Variants in NTN1 observed in about 807,000 individuals in gnomAD.
The protein encoded by NTN1 is netrin 1.
NTN1 carries 11 observed loss-of-function variants against 54.2 expected under a neutral mutation model. That is an observed-to-expected ratio of 0.20 (90% CI 0.13 to 0.34). The LOEUF (loss-of-function observed/expected upper bound fraction) is 0.34. Ranked by LOEUF, NTN1 falls within the 10% of genes least tolerant of loss-of-function variation. The pLI, the probability that NTN1 is intolerant of heterozygous loss-of-function variation, is 1.00. For missense variants in NTN1, 740 were observed against 893.1 expected, an observed-to-expected ratio of 0.83 and a Z score of 2.18; for synonymous variants, 371 against 382.0, an observed-to-expected ratio of 0.97 and a Z score of 0.33.
At chr17:9,110,271 C>CTTT (rs11386128) in intron 2 of NTN1, among the ~76,000 whole-genome samples, 10 of 147,268 alleles carry the variant, frequency 6.8e-5, no homozygotes, top group Non-Finnish European at 1.5e-5. Flanking sequence ...CCTCCTGCCT[C>CTTT]TTTTTTTTTT....
chr17:9,141,300 G>T (rs551936759), intron 2 of NTN1, among the ~76,000 whole-genome samples: 18 of 152,150 alleles, frequency 1.2e-4, no homozygotes, highest in Non-Finnish European at 2.2e-4. Flanking sequence ...AATGAGGGGG[G>T]GGAGAAGGGC....
intron 2 of NTN1, among the ~76,000 whole-genome samples, chr17:9,074,653 A>G (rs1015826848): frequency 6.6e-6 from 1 of 152,120 alleles, no homozygotes; most frequent in Non-Finnish European, 1.5e-5. Flanking sequence ...GGGCCCTTTT[A>G]CCAGCCCCGT....
chr17:9,039,173 A>G (rs1184839177), intron 2 of NTN1, among the ~76,000 whole-genome samples: 5 of 152,048 alleles, frequency 3.3e-5, no homozygotes, highest in Non-Finnish European at 7.4e-5. Context: ...TTCAGTATTC[A>G]CTCATTATTC....
chr17:9,203,157 G>A (rs561849697), intron 5 of NTN1, among the ~76,000 whole-genome samples: 12 of 151,964 alleles, frequency 7.9e-5, no homozygotes, highest in South Asian at 4.2e-4. Flanking sequence ...TCCTGACCTC[G>A]TGATCCGCCT....
chr17:9,154,050 C>T lies in NTN1; in HGVS notation c.1019-8763C>T, dbSNP rs116358201. ...CAACTACTCCTGTGTGATGTCCTCA[C>T]GGTCCCCGTAGGGGTCATCCAGTCT... On this transcript the variant is annotated intron_variant, in intron 2 of 6. Transcript: ENST00000173229. Among the ~76,000 whole-genome samples the T allele has an allele frequency of 9.3e-3, 1,414 of 152,364 alleles. 20 individuals carry two copies. The highest frequency in any genetic ancestry group is 0.032 in the African/African-American group (1,327 of 41,584).
At chr17:9,082,917 A>G (rs2092076652) in intron 2 of NTN1, among the ~76,000 whole-genome samples, 1 of 151,756 alleles carries the variant, frequency 6.6e-6, no homozygotes, top group Non-Finnish European at 1.5e-5. Flanking sequence ...TGAGGGGAGG[A>G]TTTATTTGAG....
At chr17:9,174,565 T>G (rs934201503) in intron 3 of NTN1, 2 of 152,292 alleles carry the variant, frequency 1.3e-5, no homozygotes, top group Non-Finnish European at 2.9e-5. Flanking sequence ...TTCCTTGGCT[T>G]GCAGATAACC....
intron 2 of NTN1, among the ~76,000 whole-genome samples, chr17:9,026,976 A>G (rs2091873392): frequency 6.6e-6 from 1 of 152,104 alleles, no homozygotes. Context: ...GGTCATAGGT[A>G]CCTGCAACAT....
chr17:9,102,553 A>G (rs1378191036), intron 2 of NTN1, among the ~76,000 whole-genome samples: 1 of 152,242 alleles, frequency 6.6e-6, no homozygotes, highest in Non-Finnish European at 1.5e-5. Flanking sequence ...GACACAGCCA[A>G]ACCATATCAG....
intron 2 of NTN1, among the ~76,000 whole-genome samples, chr17:9,075,520 TAAAA>T (rs879401433): frequency 2.0e-5 from 3 of 151,702 alleles, no homozygotes; most frequent in East Asian, 1.9e-4. Context: ...AAAAAATAAA[TAAAA>T]AAAACTTAAA....
At chr17:9,182,622 G>A (rs937212017) in intron 4 of NTN1, among the ~76,000 whole-genome samples, 1 of 152,216 alleles carries the variant, frequency 6.6e-6, no homozygotes, top group Non-Finnish European at 1.5e-5. Context: ...GAGCTGAGTT[G>A]ACGCCAGGCC....
intron 5 of NTN1, among the ~76,000 whole-genome samples, chr17:9,208,695 T>A (rs1905028333): frequency 6.6e-6 from 1 of 152,218 alleles, no homozygotes; most frequent in South Asian, 2.1e-4. Flanking sequence ...TTTTTCCAGA[T>A]ATTATTTTGC....
chr17:9,098,501 T>G (rs914025577), intron 2 of NTN1, among the ~76,000 whole-genome samples: 5 of 152,238 alleles, frequency 3.3e-5, no homozygotes, highest in Non-Finnish European at 5.9e-5. Flanking sequence ...GCCTGTCTGA[T>G]GCAGCAGGTG....
At chr17:9,070,362 T>G (rs2092028378) in intron 2 of NTN1, among the ~76,000 whole-genome samples, 1 of 152,194 alleles carries the variant, frequency 6.6e-6, no homozygotes, top group Non-Finnish European at 1.5e-5. Context: ...CATGCGTGCT[T>G]CTTTCTCCCG....
chr17:9,106,599 C>T (rs758330653), intron 2 of NTN1, among the ~76,000 whole-genome samples: 2 of 151,882 alleles, frequency 1.3e-5, no homozygotes, highest in Non-Finnish European at 2.9e-5. Flanking sequence ...CTGCAACCTC[C>T]GCTTCCTGGG....
At chr17:9,238,566 G>A (rs1364898853) in intron 6 of NTN1, among the ~76,000 whole-genome samples, 1 of 152,172 alleles carries the variant, frequency 6.6e-6, no homozygotes, top group Non-Finnish European at 1.5e-5. Context: ...AGGCTCTGGT[G>A]ACCTGAGATG....
At chr17:9,213,183 C>T (rs757519071) in intron 5 of NTN1, among the ~76,000 whole-genome samples, 4 of 152,206 alleles carry the variant, frequency 2.6e-5, no homozygotes, top group Non-Finnish European at 4.4e-5. Context: ...GGGCCTGCTG[C>T]GAGCCAGGCA....
intron 2 of NTN1, among the ~76,000 whole-genome samples, chr17:9,115,873 G>A (rs1475702193): frequency 6.6e-6 from 1 of 152,260 alleles, no homozygotes; most frequent in Non-Finnish European, 1.5e-5. Flanking sequence ...CTCCGAGGCC[G>A]TGGAGGAAGG....
rs2091859441 is a variant in NTN1 at position 9,023,264 on chromosome 17, C to T, written c.891C>T (p.Asp297=). 8 of 1,561,566 alleles carry T rather than the reference C, an allele frequency of 5.1e-6. No individual in the cohort carries two copies. In the African/African-American group the frequency reaches 6.8e-5, roughly 13 times the overall value. ...GCCACGCGGCCCGCTGCGTGCGCGA[C>T]CGCGACGACAGCCTGGTGTGCGACT... ...CNGHAARCVR[D]RDDSLVCDCR... Residue 297 remains aspartate (D), a synonymous_variant, in exon 2 of 7, where the codon GAC becomes GAT. Transcript: ENST00000173229.
Sources: allele counts gnomAD v4.1 joint callset (sites outside exome capture counted in the v4.1 genomes callset), GRCh38; gene constraint gnomAD v4.1.1; transcripts MANE v1.5; gene names NCBI Gene and HGNC (gene_info 2026-07-23, HGNC 2026-07-21).